ABHD5: variants seen among roughly 807,000 people sequenced by gnomAD.
ABHD5 encodes abhydrolase domain containing 5, lysophosphatidic acid acyltransferase.
A neutral mutation model predicts 44.9 loss-of-function variants in ABHD5; 30 were observed. The ratio of observed to expected loss-of-function variants is 0.67; its 90% CI spans 0.50 to 0.91. The LOEUF (loss-of-function observed/expected upper bound fraction) is 0.91, where lower values mean the gene tolerates loss of function less well. Among genes scored for constraint, ABHD5 ranks in the 40% least tolerant of loss-of-function variants. The pLI is 0.00. For synonymous variants in ABHD5, 167 were observed against 147.0 expected, an observed-to-expected ratio of 1.14 and a Z score of -0.99; for missense variants, 399 against 423.4, an observed-to-expected ratio of 0.94 and a Z score of 0.50.
downstream of ABHD5, among the ~76,000 whole-genome samples, chr3:43,723,536 G>A (rs1408713949): frequency 6.6e-6 from 1 of 152,222 alleles, no homozygotes; most frequent in Non-Finnish European, 1.5e-5. Context: ...ACATGCTTCT[G>A]TTGTGTTGCA....
chr3:43,700,862 C>T (rs192690855), intron 2 of ABHD5, among the ~76,000 whole-genome samples: 1 of 152,268 alleles, frequency 6.6e-6, no homozygotes, highest in Non-Finnish European at 1.5e-5. Context: ...GCATGAGCTA[C>T]CACGCCCAGT....
chr3:43,694,648 T>C (rs913455084), intron 1 of ABHD5, among the ~76,000 whole-genome samples: 2 of 152,074 alleles, frequency 1.3e-5, no homozygotes, highest in African/African-American at 4.8e-5. Flanking sequence ...GAGATACGTG[T>C]TACCAGCACA....
chr3:43,702,405 C>T lies in ABHD5; in HGVS notation c.324C>T (p.Asp108=), dbSNP rs536642005. Residue 108 remains aspartate, a synonymous_variant, in exon 3 of 7, where the codon GAC becomes GAT. Transcript: ENST00000644371. ...LCTNRPVYAF[D]LLGFGRSSRP... Reference sequence around the variant, plus strand: ...CCAACAGACCTGTCTATGCTTTTGACCTATTGGGTTTTGGACGAAGTAGTA... The same window carrying T: ...CCAACAGACCTGTCTATGCTTTTGATCTATTGGGTTTTGGACGAAGTAGTA... 4.3e-5 allele frequency: 70 copies of T among 1,614,162 alleles called. 1 individual carries two copies. The South Asian group carries it at 7.0e-4, about 16-fold the overall frequency.
At position 43,699,704 on chromosome 3, in the gene ABHD5, A is replaced by G. The variant is rs1002373163; in HGVS notation, c.133+343A>G. 46 of 207,746 alleles carry G rather than the reference A, an allele frequency of 2.2e-4. 1 individual carries two copies. Among genetic ancestry groups the G allele is most frequent in the Admixed American group, 5.3e-5 (1 of 18,908 alleles). 12.9% of individuals were successfully genotyped at this position (207,746 alleles called of 1,614,324 possible). A position where few individuals can be genotyped will look rare whatever the true frequency, so the allele number is the denominator to read the frequency against. ...TAATTTATTAATTTCTTTAAAAATA[A>G]TAGTAAACCCATTACAGATTAAAAT... On this transcript the variant is annotated intron_variant, in intron 2 of 6. Transcript: ENST00000644371.
intron 3 of ABHD5, 52 bp downstream of exon 3, chr3:43,702,639 G>T: frequency 6.2e-7 from 1 of 1,613,576 alleles, no homozygotes; most frequent in South Asian, 1.1e-5. Flanking sequence ...CCAAGTACCA[G>T]ACTCTAGTTC....
chr3:43,690,955 G>C lies in ABHD5; in HGVS notation c.-38G>C. The C allele has an allele frequency of 6.4e-7, 1 of 1,551,032 alleles. No homozygotes were observed. Among genetic ancestry groups the C allele is most frequent in the Non-Finnish European group, 8.7e-7 (1 of 1,153,640 alleles). On this transcript the variant is annotated 5_prime_UTR_variant, in exon 1 of 7. Coordinates refer to ENST00000644371, the MANE Select transcript of ABHD5 (RefSeq NM_016006.6). Reference sequence around the variant, plus strand: ...GGCGGCCCAGTCGGCCTGTCAGCCGGCTTCGAGATAAGTCCCGGCGCTTGC... The same window carrying C: ...GGCGGCCCAGTCGGCCTGTCAGCCGCCTTCGAGATAAGTCCCGGCGCTTGC...
intron 1 of ABHD5, among the ~76,000 whole-genome samples, chr3:43,696,434 CT>C (rs2084474779): frequency 6.6e-6 from 1 of 152,114 alleles, no homozygotes; most frequent in African/African-American, 2.4e-5. Context: ...TAGTTCCAGT[CT>C]TCTATATACT....
chr3:43,701,127 C>T (rs987794616), intron 2 of ABHD5, among the ~76,000 whole-genome samples: 2 of 152,130 alleles, frequency 1.3e-5, no homozygotes, highest in South Asian at 2.1e-4. Flanking sequence ...AAGTAAGCTA[C>T]GGTGGAGTGA....
At chr3:43,705,878 A>T (rs2084612210) in intron 3 of ABHD5, among the ~76,000 whole-genome samples, 2 of 152,302 alleles carry the variant, frequency 1.3e-5, no homozygotes, top group Admixed American at 6.5e-5. Flanking sequence ...TTAACTTTTT[A>T]TTAAAAAGAA....
chr3:43,715,183 G>C, intron 5 of ABHD5, 125 bp downstream of exon 5: 2 of 700,568 alleles, frequency 2.9e-6, no homozygotes, highest in Non-Finnish European at 4.8e-6. Flanking sequence ...CATTCAATAC[G>C]GGGTTTCGCT....
At chr3:43,724,660 A>G (rs2084866534), downstream of ABHD5, among the ~76,000 whole-genome samples, 1 of 152,216 alleles carries the variant, frequency 6.6e-6, no homozygotes, top group Admixed American at 6.5e-5. Flanking sequence ...AATTTCCAAA[A>G]TATCCTTAAT....
intron 1 of ABHD5, among the ~76,000 whole-genome samples, chr3:43,697,375 A>G (rs1246172801): frequency 6.6e-6 from 1 of 152,136 alleles, no homozygotes; most frequent in African/African-American, 2.4e-5. Flanking sequence ...TCTCTCTGGC[A>G]AATAATTGTG....
chr3:43,709,876 C>T (rs1416419556), intron 3 of ABHD5, among the ~76,000 whole-genome samples: 1 of 152,126 alleles, frequency 6.6e-6, no homozygotes, highest in Non-Finnish European at 1.5e-5. Flanking sequence ...AACCCCATCT[C>T]TACTAAAAAT....
At chr3:43,731,273 A>C (rs532140190) in intron 7 of ABHD5, among the ~76,000 whole-genome samples, 82 of 152,318 alleles carry the variant, frequency 5.4e-4, no homozygotes, top group African/African-American at 1.8e-3. Flanking sequence ...TAAGGTGAAA[A>C]TTCTACATAT....
At chr3:43,716,549 AG>A (rs1446553740) in intron 5 of ABHD5, among the ~76,000 whole-genome samples, 1 of 152,130 alleles carries the variant, frequency 6.6e-6, no homozygotes, top group Admixed American at 6.5e-5. Context: ...ATTTATAGGT[AG>A]CTGTAGCCTC....
chr3:43,702,729 T>A (rs2084560402), intron 3 of ABHD5, 142 bp downstream of exon 3: 2 of 1,123,888 alleles, frequency 1.8e-6, no homozygotes, highest in Non-Finnish European at 1.3e-6. Flanking sequence ...CCACAACTGA[T>A]GACCAATATA....
At chr3:43,703,107 A>G (rs1282610848) in intron 3 of ABHD5, among the ~76,000 whole-genome samples, 1 of 152,126 alleles carries the variant, frequency 6.6e-6, no homozygotes, top group Non-Finnish European at 1.5e-5. Context: ...CCATACCCTA[A>G]CCTTTCTCAT....
At chr3:43,703,743 GTA>G (rs1491010997) in intron 3 of ABHD5, among the ~76,000 whole-genome samples, 13 of 149,836 alleles carry the variant, frequency 8.7e-5, no homozygotes, top group African/African-American at 3.2e-4. Flanking sequence ...CAGAGTGCCT[GTA>G]TGTACCTATA....
chr3:43,699,239 A>G (rs542539195), intron 1 of ABHD5, 37 bp from the exon 2 acceptor site: 15 of 1,542,634 alleles, frequency 9.7e-6, no homozygotes, highest in Admixed American at 1.7e-5. Context: ...GAAGAGCATG[A>G]ACTCACCTAT....
Sources: allele counts gnomAD v4.1 joint callset (sites outside exome capture counted in the v4.1 genomes callset), GRCh38; gene constraint gnomAD v4.1.1; transcripts MANE v1.5; gene names NCBI Gene and HGNC (gene_info 2026-07-23, HGNC 2026-07-21).